The following CYP20A1 variants were observed in gnomAD, a reference collection of about 807,000 sequenced individuals.
CYP20A1 encodes cytochrome P450 family 20 subfamily A member 1, also known as cytochrome P450 20A1.
CYP20A1 carries 61 observed loss-of-function variants against 61.4 expected under a neutral mutation model. The observed-to-expected ratio is 0.99, with a 90% confidence interval of 0.81 to 1.23. The LOEUF (loss-of-function observed/expected upper bound fraction) is 1.23. CYP20A1 is among the 50% of genes most tolerant of loss of function. The pLI, the probability that CYP20A1 is intolerant of heterozygous loss-of-function variation, is 0.00. For missense variants in CYP20A1, 530 were observed against 542.4 expected, an observed-to-expected ratio of 0.98 and a Z score of 0.23; for synonymous variants, 193 against 188.2, an observed-to-expected ratio of 1.03 and a Z score of -0.21.
intron 8 of CYP20A1, among the ~76,000 whole-genome samples, chr2:203,280,805 T>C (rs1289683153): frequency 6.6e-6 from 1 of 152,252 alleles, no homozygotes; most frequent in African/African-American, 2.4e-5. Context: ...GCTTTTTTTC[T>C]TAACCCCAAG....
chr2:203,257,288 C>G (rs1442758657), intron 4 of CYP20A1, among the ~76,000 whole-genome samples: 1 of 149,518 alleles, frequency 6.7e-6, no homozygotes, highest in Non-Finnish European at 1.5e-5. Context: ...CCACTGCACT[C>G]TAGCCTAGGC....
chr2:203,284,937 G>A (rs1323585435), intron 8 of CYP20A1, among the ~76,000 whole-genome samples: 1 of 151,388 alleles, frequency 6.6e-6, no homozygotes, highest in African/African-American at 2.4e-5. Context: ...GTAGAGATGG[G>A]GTTTTGCCAT....
rs6733506 is a variant in CYP20A1 at position 203,281,426 on chromosome 2, C to A, written c.850+1313C>A. Among the ~76,000 whole-genome samples the A allele has an allele frequency of 2.4e-3, 371 of 152,156 alleles. 1 individual carries two copies. Among genetic ancestry groups the A allele is most frequent in the African/African-American group, 8.3e-3 (343 of 41,460 alleles). On this transcript the variant is annotated intron_variant, in intron 8 of 12. Transcript: ENST00000356079. The stretch of plus-strand genomic sequence containing the variant: ...AGGAAGGCTAAGGTGGGAGGATCAC[C>A]TAAGCCCAGGAGGTTGAGGTTGCAG...
At chr2:203,278,500 A>G (rs1194660421) in intron 6 of CYP20A1, 73 bp from the exon 7 acceptor site, 2 of 607,938 alleles carry the variant, frequency 3.3e-6, no homozygotes, top group Admixed American at 3.7e-5. Context: ...GTAACATTGC[A>G]CAGAATTATT....
At chr2:203,243,332 C>T (rs2066324022) in intron 1 of CYP20A1, among the ~76,000 whole-genome samples, 2 of 151,822 alleles carry the variant, frequency 1.3e-5, no homozygotes, top group East Asian at 1.9e-4. Context: ...TTAGTAGAGA[C>T]AGGGTTTCAC....
intron 6 of CYP20A1, among the ~76,000 whole-genome samples, chr2:203,276,972 A>G (rs72938338): frequency 0.049 from 7,506 of 152,266 alleles, 252 homozygotes; most frequent in Non-Finnish European, 0.078. Context: ...AAAAAGAATC[A>G]AAAAAGGAGA....
At chr2:203,289,086 C>G (rs2068423069) in intron 9 of CYP20A1, among the ~76,000 whole-genome samples, 1 of 152,102 alleles carries the variant, frequency 6.6e-6, no homozygotes, top group Non-Finnish European at 1.5e-5. Flanking sequence ...GTCTTTTTCT[C>G]CATCTTTTTC....
Position 203,298,551 on chromosome 2 carries a change from ATT to A in CYP20A1, c.*1644_*1645del, listed in dbSNP as rs2068899802. 6.7e-6 allele frequency among the ~76,000 whole-genome samples: 1 copy of A among 149,876 alleles called. No individual in the cohort carries two copies. Among genetic ancestry groups the A allele is most frequent in the African/African-American group, 2.5e-5 (1 of 40,768 alleles). ...AAAAATACAAAAAAAAAAAAAAAAA[ATT>A]AGCCAGATGTGGTGGTGCACATTTG... On this transcript the variant is annotated 3_prime_UTR_variant, in exon 13 of 13. Transcript: ENST00000356079.
At chr2:203,239,954 G>T (rs2066192052) in intron 1 of CYP20A1, among the ~76,000 whole-genome samples, 1 of 152,128 alleles carries the variant, frequency 6.6e-6, no homozygotes. Flanking sequence ...ACATTAGCTG[G>T]CTGTGGTGGC....
At chr2:203,285,208 T>G (rs1052239462) in intron 8 of CYP20A1, among the ~76,000 whole-genome samples, 9 of 152,198 alleles carry the variant, frequency 5.9e-5, no homozygotes, top group African/African-American at 2.2e-4. Context: ...ATTTCATTAG[T>G]GCTCCTAAGT....
At position 203,292,343 on chromosome 2, in the gene CYP20A1, A is replaced by G. The variant is rs560205546; in HGVS notation, c.1148+17A>G. The G allele has an allele frequency of 5.7e-6, 9 of 1,586,104 alleles. No homozygotes were observed. Among genetic ancestry groups the G allele is most frequent in the East Asian group, 4.5e-5 (2 of 44,720 alleles). On this transcript the variant is annotated intron_variant, in intron 11 of 12. Coordinates refer to ENST00000356079, the MANE Select transcript of CYP20A1 (RefSeq NM_177538.3). ...TCCACACAAGTATGAAATATTTGTC[A>G]TTGTATTTGTGACTGTCAGTTTTTG...
Position 203,283,407 on chromosome 2 carries a change from G to A in CYP20A1, c.851-2205G>A, listed in dbSNP as rs1383866491. Among the ~76,000 whole-genome samples the A allele has an allele frequency of 2.6e-5, 4 of 151,048 alleles. No homozygotes were observed. In the East Asian group the frequency reaches 5.9e-4, roughly 22 times the overall value. ...AATTTTTTGTATTTTTAGTAGAGAC[G>A]AGGTTTCACTGTGTTGGCCAGGCTG... On this transcript the variant is annotated intron_variant, in intron 8 of 12. Transcript: ENST00000356079.
chr2:203,244,186 C>T (rs2066366071), intron 1 of CYP20A1, among the ~76,000 whole-genome samples: 1 of 151,920 alleles, frequency 6.6e-6, no homozygotes, highest in South Asian at 2.1e-4. Context: ...AAGAAAATGG[C>T]TCCGGCACAG....
At chr2:203,260,816 G>A (rs2067105623) in intron 4 of CYP20A1, among the ~76,000 whole-genome samples, 1 of 152,176 alleles carries the variant, frequency 6.6e-6, no homozygotes, top group Non-Finnish European at 1.5e-5. Flanking sequence ...GGGCTACCAA[G>A]CCCAGCTGGT....
At chr2:203,256,665 C>T (rs1469343711) in intron 4 of CYP20A1, among the ~76,000 whole-genome samples, 4 of 152,112 alleles carry the variant, frequency 2.6e-5, no homozygotes, top group Non-Finnish European at 1.5e-5. Context: ...ACCAGTAATT[C>T]TATTTTTTGT....
chr2:203,267,405 G>A (rs2067369209), intron 5 of CYP20A1, among the ~76,000 whole-genome samples: 1 of 151,944 alleles, frequency 6.6e-6, no homozygotes, highest in South Asian at 2.1e-4. Context: ...ATGGTGGCTT[G>A]CACCTGTAAT....
At chr2:203,263,287 C>CTT (rs78877357) in intron 4 of CYP20A1, among the ~76,000 whole-genome samples, 1 of 134,732 alleles carries the variant, frequency 7.4e-6, no homozygotes, top group African/African-American at 2.8e-5. Context: ...CTGCGCCTGG[C>CTT]TTTTTTTTTT....
chr2:203,288,074 T>C (rs2068369100), intron 9 of CYP20A1, among the ~76,000 whole-genome samples: 1 of 143,896 alleles, frequency 6.9e-6, no homozygotes, highest in African/African-American at 2.6e-5. Flanking sequence ...TTTTTTTTTT[T>C]TTTTTTTTTC....
intron 11 of CYP20A1, among the ~76,000 whole-genome samples, chr2:203,294,941 A>AATTT (rs2068718528): frequency 2.2e-5 from 1 of 45,434 alleles, no homozygotes; most frequent in African/African-American, 8.5e-5. Context: ...CTTTAAAAAA[A>AATTT]TTTTTTTTTT....
Sources: allele counts gnomAD v4.1 joint callset (sites outside exome capture counted in the v4.1 genomes callset), GRCh38; gene constraint gnomAD v4.1.1; transcripts MANE v1.5; gene names NCBI Gene and HGNC (gene_info 2026-07-23, HGNC 2026-07-21).